The following SPIN1 variants were observed in gnomAD, a reference collection of about 807,000 sequenced individuals.
SPIN1 encodes the protein spindlin-1.
A neutral mutation model predicts 26.0 loss-of-function variants in SPIN1; 3 were observed. The observed-to-expected ratio is 0.12, with a 90% CI of 0.05 to 0.30. The LOEUF (loss-of-function observed/expected upper bound fraction) is 0.30, where lower values mean the gene tolerates loss of function less well. SPIN1 is among the 10% of genes least tolerant of loss of function. The pLI is 1.00. For synonymous variants in SPIN1, 101 were observed against 116.5 expected, an observed-to-expected ratio of 0.87 and a Z score of 0.86; for missense variants, 126 against 333.4, an observed-to-expected ratio of 0.38 and a Z score of 4.84.
At chr9:88,415,748 A>G (rs1438319234) in intron 1 of SPIN1, 2 of 151,582 alleles carry the variant, frequency 1.3e-5, no homozygotes, top group Non-Finnish European at 2.9e-5. Context: ...AGAATATGTA[A>G]TAATTTTTTT....
Position 88,441,810 on chromosome 9 carries a change from A to G in SPIN1, c.53-7131A>G, listed in dbSNP as rs987875571. On this transcript the variant is annotated intron_variant, in intron 2 of 5. Transcript: ENST00000375859. ...TATTATATTTTTATTATATTTTTGTATTATAAAATATAAAATAATATAAAA... is the reference window on the plus strand; with the variant it reads ...TATTATATTTTTATTATATTTTTGTGTTATAAAATATAAAATAATATAAAA... 2.0e-5 allele frequency among the ~76,000 whole-genome samples: 3 copies of G among 148,412 alleles called. 1 individual carries two copies. Among genetic ancestry groups the G allele is most frequent in the Admixed American group, 1.3e-4 (2 of 14,848 alleles).
chr9:88,410,519 T>G (rs1021227322), intron 1 of SPIN1: 1 of 787,480 alleles, frequency 1.3e-6, no homozygotes, highest in Non-Finnish European at 2.3e-6. Context: ...TGCTAAGCTT[T>G]GTTACCTAAT....
chr9:88,406,040 T>TAC (rs1564023820), intron 1 of SPIN1, among the ~76,000 whole-genome samples: 8 of 147,046 alleles, frequency 5.4e-5, no homozygotes, highest in African/African-American at 2.0e-4. Flanking sequence ...TGTGTGTGTG[T>TAC]GTACGTGTAC....
intron 1 of SPIN1, chr9:88,415,753 T>G (rs1293791255): frequency 6.6e-6 from 1 of 151,154 alleles, no homozygotes; most frequent in Non-Finnish European, 1.5e-5. Flanking sequence ...ATGTAATAAT[T>G]TTTTTTTTGA....
chr9:88,448,070 G>A (rs1828285707), intron 2 of SPIN1, among the ~76,000 whole-genome samples: 1 of 148,620 alleles, frequency 6.7e-6, no homozygotes, highest in South Asian at 2.1e-4. Context: ...TTGAGACAGT[G>A]TCTCACTCTG....
At chr9:88,403,426 A>G (rs191748710) in intron 1 of SPIN1, among the ~76,000 whole-genome samples, 4 of 152,308 alleles carry the variant, frequency 2.6e-5, no homozygotes, top group Admixed American at 2.0e-4. Context: ...AGAGCTATGT[A>G]TCAACCAGGT....
At chr9:88,418,018 A>G (rs567808052) in intron 1 of SPIN1, among the ~76,000 whole-genome samples, 9 of 152,348 alleles carry the variant, frequency 5.9e-5, no homozygotes, top group African/African-American at 2.2e-4. Flanking sequence ...TCACCCTCAC[A>G]GTACTTCCAT....
chr9:88,407,696 A>ATT (rs529848405), intron 1 of SPIN1, among the ~76,000 whole-genome samples: 1 of 139,224 alleles, frequency 7.2e-6, no homozygotes, highest in Non-Finnish European at 1.6e-5. Flanking sequence ...TTCAGTTTTC[A>ATT]TTTTTTTTTT....
intron 2 of SPIN1, among the ~76,000 whole-genome samples, chr9:88,441,993 C>G (rs1205943509): frequency 2.0e-5 from 3 of 148,222 alleles, no homozygotes; most frequent in Non-Finnish European, 4.5e-5. Flanking sequence ...GCTCTGTCAC[C>G]CAGCCTGGAG....
intron 2 of SPIN1, among the ~76,000 whole-genome samples, chr9:88,430,529 G>C (rs913778964): frequency 1.3e-5 from 2 of 152,230 alleles, no homozygotes; most frequent in Non-Finnish European, 2.9e-5. Context: ...TTTTAAAACT[G>C]CTACAGTGGT....
At chr9:88,409,065 G>A (rs1489723170) in intron 1 of SPIN1, among the ~76,000 whole-genome samples, 1 of 150,976 alleles carries the variant, frequency 6.6e-6, no homozygotes, top group African/African-American at 2.4e-5. Context: ...GCGTGATCTC[G>A]GCTCATCGCA....
intron 1 of SPIN1, among the ~76,000 whole-genome samples, chr9:88,394,510 T>C (rs1440685238): frequency 6.6e-6 from 1 of 152,246 alleles, no homozygotes; most frequent in African/African-American, 2.4e-5. Flanking sequence ...GTTTTTACTA[T>C]GAGCTTATCC....
rs73652555 is a variant in SPIN1 at position 88,426,373 on chromosome 9, A to G, written c.-158-9A>G. ...TGCTCTAGTAATGAACTGTTTCACT[A>G]TTTTACAGAGTGCTTGTGATTTCAC... On this transcript the variant is annotated splice_polypyrimidine_tract_variant and intron_variant, in intron 1 of 5. Transcript: ENST00000375859. The G allele has an allele frequency of 0.013, 7,006 of 548,074 alleles. 404 individuals are homozygous for G. The highest frequency in any genetic ancestry group is 0.12 in the African/African-American group (6,356 of 52,664). 34.0% of individuals were successfully genotyped at this position (548,074 alleles called of 1,614,324 possible).
chr9:88,429,451 C>T (rs1241502454), intron 2 of SPIN1, among the ~76,000 whole-genome samples: 1 of 152,098 alleles, frequency 6.6e-6, no homozygotes, highest in Admixed American at 6.6e-5. Context: ...TTCCACAGCC[C>T]TGTCCCTGGG....
rs1828308656 is a variant in SPIN1 at position 88,449,083 on chromosome 9, T to C, written c.101+94T>C. ...CTAGGTAAGGCCTCCTCCCCTGTGA[T>C]CGAGGGCTTCCTAGCTCATAGGAGA... On this transcript the variant is annotated intron_variant, in intron 3 of 5. Transcript: ENST00000375859. 4 of 1,174,322 alleles carry C rather than the reference T, an allele frequency of 3.4e-6. No homozygotes were observed. The South Asian group carries it at 3.7e-5, about 11-fold the overall frequency. The allele number at this position is 1,174,322 out of a possible 1,614,324, so 72.7% of individuals were successfully genotyped here. A position where few individuals can be genotyped will look rare whatever the true frequency, so the allele number is the denominator to read the frequency against.
intron 3 of SPIN1, among the ~76,000 whole-genome samples, chr9:88,455,489 A>G (rs562641373): frequency 6.6e-6 from 1 of 152,338 alleles, no homozygotes; most frequent in Admixed American, 6.5e-5. Context: ...GTGGCTGCAA[A>G]AGTGAAATAC....
chr9:88,428,859 G>GT (rs1827810632), intron 2 of SPIN1, among the ~76,000 whole-genome samples: 1 of 152,112 alleles, frequency 6.6e-6, no homozygotes, highest in Admixed American at 6.5e-5. Flanking sequence ...AAACCAAAGT[G>GT]TTTTTTCTTG....
At chr9:88,471,149 T>G (rs1828775250) in intron 5 of SPIN1, among the ~76,000 whole-genome samples, 1 of 152,212 alleles carries the variant, frequency 6.6e-6, no homozygotes, top group East Asian at 1.9e-4. Context: ...TTTTGTGTCC[T>G]AAGAATCTTT....
At chr9:88,448,368 T>G (rs1828293313) in intron 2 of SPIN1, among the ~76,000 whole-genome samples, 1 of 152,062 alleles carries the variant, frequency 6.6e-6, no homozygotes, top group African/African-American at 2.4e-5. Context: ...TTTTTGTTTT[T>G]TGAGACAAGG....
Sources: allele counts gnomAD v4.1 joint callset (sites outside exome capture counted in the v4.1 genomes callset), GRCh38; gene constraint gnomAD v4.1.1; transcripts MANE v1.5; gene names NCBI Gene and HGNC (gene_info 2026-07-23, HGNC 2026-07-21).